The following EYA3 variants were observed in gnomAD, a reference collection of about 807,000 sequenced individuals.
The protein encoded by EYA3 is protein phosphatase EYA3.
Under a neutral mutation model 80.0 loss-of-function variants are expected in EYA3, and 39 were observed. That is an observed-to-expected ratio of 0.49 (90% CI 0.38 to 0.64). The LOEUF is 0.64. Among genes scored for constraint, EYA3 ranks in the 30% least tolerant of loss-of-function variants. The probability of loss-of-function intolerance (pLI) is 0.00; values close to 1 mark genes in which losing one functional copy is unlikely to be tolerated. For missense variants in EYA3, 523 were observed against 676.1 expected (o/e 0.77, Z 2.51); for synonymous variants, 206 against 232.8 (o/e 0.88, Z 1.05).
chr1:27,982,897 T>C (rs953448575), intron 16 of EYA3, among the ~76,000 whole-genome samples: 1 of 152,212 alleles, frequency 6.6e-6, no homozygotes, highest in Non-Finnish European at 1.5e-5. Context: ...TATGAGTATA[T>C]GTAATTTTAC....
At chr1:28,019,476 G>T (rs1184229113) in intron 7 of EYA3, among the ~76,000 whole-genome samples, 3 of 152,136 alleles carry the variant, frequency 2.0e-5, no homozygotes, top group Admixed American at 6.6e-5. Context: ...TGTAGGAAAA[G>T]AATTTTGAAT....
chr1:28,039,455 A>C (rs563027685), intron 4 of EYA3, among the ~76,000 whole-genome samples: 2 of 152,318 alleles, frequency 1.3e-5, no homozygotes, highest in South Asian at 4.1e-4. Context: ...TTTGTAGTGA[A>C]GGCTTTAAGT....
chr1:28,076,679 A>AAAAG (rs1371923194), intron 1 of EYA3, among the ~76,000 whole-genome samples: 2 of 64,104 alleles, frequency 3.1e-5, no homozygotes, highest in African/African-American at 5.2e-5. Context: ...AAAAAAAAAA[A>AAAAG]AAAGAAAGAA....
intron 16 of EYA3, among the ~76,000 whole-genome samples, chr1:27,980,990 C>A (rs1240934272): frequency 6.6e-6 from 1 of 152,148 alleles, no homozygotes; most frequent in Non-Finnish European, 1.5e-5. Context: ...TTGCAATGGG[C>A]TATAATCGTG....
rs1557606677 is a variant in EYA3, at chr1:28,042,568, T to C, written c.157+3A>G. ...TCAATCATGCACAGAATATGGTACT[T>C]ACTTTCCTCTGACATGGGAAGGTTT... On this transcript the variant is annotated splice_donor_region_variant and intron_variant, in intron 4 of 17. Coordinates refer to ENST00000373871, the MANE Select transcript of EYA3 (RefSeq NM_001990.4). 3 of 1,612,358 alleles carry C rather than the reference T, an allele frequency of 1.9e-6. No homozygotes were observed. Among genetic ancestry groups the C allele is most frequent in the South Asian group, 1.1e-5 (1 of 91,048 alleles).
At chr1:28,057,884 C>A in intron 2 of EYA3, 110 bp downstream of exon 2, 1 of 607,890 alleles carries the variant, frequency 1.6e-6, no homozygotes, top group Non-Finnish European at 2.6e-6. Flanking sequence ...AACAAGGAAT[C>A]TTTTCCTTAT....
chr1:27,986,891 A>T (rs1639696286), intron 16 of EYA3, among the ~76,000 whole-genome samples: 1 of 151,678 alleles, frequency 6.6e-6, no homozygotes, highest in African/African-American at 2.4e-5. Context: ...TTTAGTAGAG[A>T]TGGGGTTTCA....
intron 1 of EYA3, among the ~76,000 whole-genome samples, chr1:28,078,357 C>T (rs187913083): frequency 4.1e-4 from 63 of 152,232 alleles, no homozygotes; most frequent in African/African-American, 1.3e-3. Flanking sequence ...TTTTCAAGCT[C>T]CTGAGCAATA....
At position 28,021,593 on chromosome 1, in the gene EYA3, G is replaced by A. The variant is rs552922571; in HGVS notation, c.500-4354C>T. Reference sequence around the variant, plus strand: ...CTATCTTGTGTGCACTAAGTGTGAAGGGCAAAATCATTCTTCTTTTTTTTT... The same window carrying A: ...CTATCTTGTGTGCACTAAGTGTGAAAGGCAAAATCATTCTTCTTTTTTTTT... On this transcript the variant is annotated intron_variant, in intron 7 of 17. Transcript: ENST00000373871. Among the ~76,000 whole-genome samples, 320 of 150,834 alleles carry A rather than the reference G, an allele frequency of 2.1e-3. 1 individual carries two copies. The highest frequency in any genetic ancestry group is 3.9e-3 in the Non-Finnish European group (265 of 67,886).
At chr1:28,086,414 C>G in intron 1 of EYA3, among the ~76,000 whole-genome samples, 1 of 152,110 alleles carries the variant, frequency 6.6e-6, no homozygotes, top group East Asian at 1.9e-4. Flanking sequence ...GTCTCGAACT[C>G]CTGGCCAATC....
At position 27,985,727 on chromosome 1, in the gene EYA3, G is replaced by A. The variant is rs188085777; in HGVS notation, c.1540+2808C>T. ...CTCCCGAGTAACTGTGATTACAGGC[G>A]CCTGCCACCAAGCCCAGCTAGTTTT... On this transcript the variant is annotated intron_variant, in intron 16 of 17. Transcript: ENST00000373871. 5.6e-4 allele frequency among the ~76,000 whole-genome samples: 85 copies of A among 152,114 alleles called. 1 individual carries two copies. The highest frequency in any genetic ancestry group is 3.4e-3 in the Middle Eastern group (1 of 292).
chr1:28,017,460 A>G (rs953404101), intron 7 of EYA3, among the ~76,000 whole-genome samples: 2 of 152,194 alleles, frequency 1.3e-5, no homozygotes, highest in Non-Finnish European at 1.5e-5. Context: ...TGAGTCTTCA[A>G]TTCTTCTTAT....
intron 1 of EYA3, among the ~76,000 whole-genome samples, chr1:28,087,480 A>G (rs1206274320): frequency 6.6e-6 from 1 of 152,240 alleles, no homozygotes; most frequent in Non-Finnish European, 1.5e-5. Flanking sequence ...GAAAAAATGC[A>G]TATGTGCATA....
At chr1:28,042,753 G>T in intron 3 of EYA3, 103 bp from the exon 4 acceptor site, 1 of 886,250 alleles carries the variant, frequency 1.1e-6, no homozygotes, top group Non-Finnish European at 1.9e-6. Context: ...TAAGTAAGAG[G>T]CAAAGTAAAT....
chr1:28,017,198 T>G lies in EYA3; in HGVS notation c.541A>C (p.Ile181Leu), dbSNP rs1179735231. 1 of 1,613,928 alleles carries G rather than the reference T, an allele frequency of 6.2e-7. No individual in the cohort carries two copies. ...NASLISTSSTIANIPAAAVAS... is the reference protein window; with the variant it reads ...NASLISTSSTLANIPAAAVAS... ...ACTGCTGCTGCTGGAATATTGGCAA[T>G]TGTAGAAGAAGTAGATATCAGGCTG... The change falls in exon 8 of 18, where the codon ATT (isoleucine) becomes CTT (leucine). Residue 181 changes from isoleucine to leucine, a missense_variant. Coordinates refer to ENST00000373871, the MANE Select transcript of EYA3 (RefSeq NM_001990.4).
At chr1:28,010,383 T>C (rs1315714749) in intron 10 of EYA3, among the ~76,000 whole-genome samples, 6 of 152,238 alleles carry the variant, frequency 3.9e-5, no homozygotes, top group Non-Finnish European at 8.8e-5. Context: ...ACTCTAGTCC[T>C]TTCCTTTTAA....
At chr1:27,988,929 G>A (rs2148723506) in intron 15 of EYA3, among the ~76,000 whole-genome samples, 2 of 152,162 alleles carry the variant, frequency 1.3e-5, no homozygotes, top group African/African-American at 4.8e-5. Context: ...GACCATTCTA[G>A]TCACAAGTAC....
intron 1 of EYA3, among the ~76,000 whole-genome samples, chr1:28,086,210 T>A (rs923905011): frequency 3.3e-5 from 5 of 149,974 alleles, no homozygotes; most frequent in Non-Finnish European, 7.4e-5. Flanking sequence ...ATTAACTGTT[T>A]AAGTTGTAAT....
At chr1:27,999,597 G>A (rs1403349027) in intron 12 of EYA3, among the ~76,000 whole-genome samples, 1 of 152,080 alleles carries the variant, frequency 6.6e-6, no homozygotes, top group East Asian at 1.9e-4. Flanking sequence ...ATAATTGAGA[G>A]TACAAATAAT....
Sources: allele counts gnomAD v4.1 joint callset (sites outside exome capture counted in the v4.1 genomes callset), GRCh38; gene constraint gnomAD v4.1.1; transcripts MANE v1.5; gene names NCBI Gene and HGNC (gene_info 2026-07-23, HGNC 2026-07-21).